Variants in FBN2 observed in about 807,000 individuals in gnomAD.
The protein encoded by FBN2 is fibrillin 2.
In FBN2, 105 loss-of-function variants were observed where a neutral mutation model predicts 355.6. That is an observed-to-expected ratio of 0.30 (90% CI 0.25 to 0.35). The LOEUF (loss-of-function observed/expected upper bound fraction) is 0.35, where lower values mean the gene tolerates loss of function less well. FBN2 is among the 10% of genes least tolerant of loss of function. The pLI, the probability that FBN2 is intolerant of heterozygous loss-of-function variation, is 1.00. For missense variants in FBN2, 3,280 were observed against 3,758.7 expected (o/e 0.87, Z 3.33); for synonymous variants, 1,350 against 1,301.2 (o/e 1.04, Z -0.81).
In FBN2 at chr5:128,357,263, G is replaced by A. The variant is rs763157469; in HGVS notation, c.2674+13C>T. On this transcript the variant is annotated intron_variant, in intron 20 of 64. Coordinates refer to ENST00000262464, the MANE Select transcript of FBN2 (RefSeq NM_001999.4). ...AGTGAAATTGAAGCATCAGTATTGTGTATGAATCTTACCAATACAGATCAA... is the reference window on the plus strand; with the variant it reads ...AGTGAAATTGAAGCATCAGTATTGTATATGAATCTTACCAATACAGATCAA... 9 of 1,613,612 alleles carry A rather than the reference G, an allele frequency of 5.6e-6. No homozygotes were observed. Among genetic ancestry groups the A allele is most frequent in the Admixed American group, 3.3e-5 (2 of 59,994 alleles).
chr5:128,504,179 C>A (rs1755891870), intron 5 of FBN2, among the ~76,000 whole-genome samples: 1 of 152,164 alleles, frequency 6.6e-6, no homozygotes, highest in Admixed American at 6.5e-5. Flanking sequence ...ATGCAAATGC[C>A]TGGATGTCCA....
At chr5:128,460,135 T>G (rs982679942) in intron 6 of FBN2, among the ~76,000 whole-genome samples, 1 of 152,154 alleles carries the variant, frequency 6.6e-6, no homozygotes, top group Non-Finnish European at 1.5e-5. Flanking sequence ...AAAATCGGTG[T>G]GCAAAAATCA....
At chr5:128,521,832 A>G (rs1581368485) in intron 4 of FBN2, among the ~76,000 whole-genome samples, 1 of 152,312 alleles carries the variant, frequency 6.6e-6, no homozygotes, top group East Asian at 1.9e-4. Context: ...ACAAGGCTGG[A>G]TGAACCTTGA....
chr5:128,426,433 T>C (rs745877089), intron 7 of FBN2, among the ~76,000 whole-genome samples: 1 of 152,170 alleles, frequency 6.6e-6, no homozygotes, highest in South Asian at 2.1e-4. Flanking sequence ...TTTTGAATAG[T>C]TTCATGTCAA....
rs768488202 is a variant in FBN2, at chr5:128,277,937, A to T, written c.7414T>A (p.Phe2472Ile). 6.2e-7 allele frequency: 1 copy of T among 1,614,128 alleles called. No individual in the cohort carries two copies. The change falls in exon 58 of 65, where the codon TTC becomes ATC. Residue 2472 changes from phenylalanine (F) to isoleucine (I), a missense_variant. Phe to Ile is a conservative substitution (Grantham distance 21, BLOSUM62 0). Coordinates refer to ENST00000262464, the MANE Select transcript of FBN2 (RefSeq NM_001999.4). Reference sequence around the variant, plus strand: ...TAGCCAACCTTGCAGAAGCATCGGAATGAGCCCATGGTATTGATGCACTGA... The same window carrying T: ...TAGCCAACCTTGCAGAAGCATCGGATTGAGCCCATGGTATTGATGCACTGA... ...NGQCINTMGS[F>I]RCFCKVGYTT...
chr5:128,305,931 CTT>C lies in FBN2; in HGVS notation c.5438_5439del (p.Lys1813ArgfsTer13). 6.2e-7 allele frequency: 1 copy of C among 1,613,876 alleles called. No individual in the cohort carries two copies. Among genetic ancestry groups the C allele is most frequent in the Non-Finnish European group, 8.5e-7 (1 of 1,179,792 alleles). ...CCATTTGCACAAATGCCTGGAATCT[CTT>C]TACATTCATCAATGTCTGAAATGGA... ...TGKAVDIDEC[K>X]EIPGICANGV... is the part of the protein sequence containing the mutation. On this transcript the variant is annotated frameshift_variant, in exon 43 of 65. Transcript: ENST00000262464. LOFTEE classifies it high-confidence loss of function.
chr5:128,437,486 G>A (rs1753798477), intron 7 of FBN2, among the ~76,000 whole-genome samples: 1 of 152,176 alleles, frequency 6.6e-6, no homozygotes, highest in South Asian at 2.1e-4. Context: ...AAATTAACAA[G>A]AAAATGTGAG....
chr5:128,446,462 C>T lies in FBN2; in HGVS notation c.952+19G>A. ...TTAAAGTCACAATTAGGCATGCTTC[C>T]CAAAGTAGAGAGACTCACCTTCACA... On this transcript the variant is annotated intron_variant, in intron 7 of 64. Transcript: ENST00000262464. The T allele has an allele frequency of 1.2e-6, 2 of 1,612,948 alleles. No homozygotes were observed. The highest frequency in any genetic ancestry group is 1.7e-6 in the Non-Finnish European group (2 of 1,179,384).
chr5:128,335,953 CAT>C, intron 28 of FBN2, 33 bp downstream of exon 28: 1 of 1,611,856 alleles, frequency 6.2e-7, no homozygotes, highest in Non-Finnish European at 8.5e-7. Context: ...TGATTTGAGA[CAT>C]ATGAGTTTCA....
intron 8 of FBN2, among the ~76,000 whole-genome samples, chr5:128,400,451 C>T (rs977352302): frequency 5.3e-5 from 8 of 151,892 alleles, no homozygotes; most frequent in African/African-American, 1.9e-4. Context: ...ATGACTTTTT[C>T]AGTAATAGAT....
At chr5:128,384,055 T>C (rs1752306034) in intron 11 of FBN2, among the ~76,000 whole-genome samples, 1 of 152,104 alleles carries the variant, frequency 6.6e-6, no homozygotes, top group Non-Finnish European at 1.5e-5. Context: ...AACTTGGGAA[T>C]ATATAAATAA....
intron 7 of FBN2, among the ~76,000 whole-genome samples, chr5:128,428,508 C>G (rs1053632007): frequency 5.9e-5 from 9 of 152,286 alleles, no homozygotes; most frequent in Admixed American, 4.6e-4. Flanking sequence ...ACTGCACTTG[C>G]TGGCCCCCAT....
chr5:128,455,881 G>A, intron 6 of FBN2, among the ~76,000 whole-genome samples: 1 of 150,618 alleles, frequency 6.6e-6, no homozygotes, highest in Non-Finnish European at 1.5e-5. Context: ...CAGCCTCTGA[G>A]CAGGAATCTG....
At chr5:128,496,828 C>T (rs1755668151) in intron 5 of FBN2, among the ~76,000 whole-genome samples, 1 of 151,674 alleles carries the variant, frequency 6.6e-6, no homozygotes, top group Non-Finnish European at 1.5e-5. Flanking sequence ...CCATTGAAGA[C>T]TATTAGAATT....
Position 128,335,575 on chromosome 5 carries a change from T to C in FBN2, c.3727A>G (p.Ile1243Val). Residue 1243 changes from isoleucine to valine, a missense_variant and splice_region_variant, in exon 29 of 65, where the codon ATT becomes GTT. Transcript: ENST00000262464. ...CCGTTCATTATCATACATTCATCAA[T>C]ATCTGTGAAAACAGCATTGCAACCA... is the stretch of plus-strand genomic sequence containing the variant. ...ATPDRQGCTD[I>V]DECMIMNGGC... 4 of 1,614,192 alleles carry C rather than the reference T, an allele frequency of 2.5e-6. No homozygotes were observed.
At chr5:128,493,219 C>G (rs529127195) in intron 5 of FBN2, among the ~76,000 whole-genome samples, 2 of 152,210 alleles carry the variant, frequency 1.3e-5, no homozygotes, top group African/African-American at 4.8e-5. Context: ...TCAGTTACAA[C>G]CATGATGCAC....
chr5:128,438,120 T>C (rs1452412522), intron 7 of FBN2, among the ~76,000 whole-genome samples: 1 of 152,050 alleles, frequency 6.6e-6, no homozygotes, highest in Admixed American at 6.5e-5. Context: ...GCCTCCGGAG[T>C]AGCTGGGACC....
intron 8 of FBN2, among the ~76,000 whole-genome samples, chr5:128,407,416 G>T (rs1042903332): frequency 2.0e-5 from 3 of 152,024 alleles, no homozygotes; most frequent in Non-Finnish European, 4.4e-5. Flanking sequence ...TATTTTATTG[G>T]ACACTTATTA....
chr5:128,426,630 T>C (rs191755898), intron 7 of FBN2, among the ~76,000 whole-genome samples: 39 of 152,258 alleles, frequency 2.6e-4, no homozygotes, highest in African/African-American at 9.4e-4. Flanking sequence ...AATCTAACAG[T>C]CTAATCTTTC....
Sources: allele counts gnomAD v4.1 joint callset (sites outside exome capture counted in the v4.1 genomes callset), GRCh38; gene constraint gnomAD v4.1.1; transcripts MANE v1.5; gene names NCBI Gene and HGNC (gene_info 2026-07-23, HGNC 2026-07-21).